Variants in BCL7A observed in about 807,000 individuals in gnomAD.
BCL7A encodes B-cell CLL/lymphoma 7 protein family member A.
BCL7A carries 11 observed loss-of-function variants against 28.4 expected under a neutral mutation model. That is an observed-to-expected ratio of 0.39 (90% CI 0.24 to 0.64). The LOEUF is 0.64. Among genes scored for constraint, BCL7A ranks in the 30% least tolerant of loss-of-function variants. BCL7A has a pLI of 0.50. For missense variants in BCL7A, 222 were observed against 274.8 expected, an observed-to-expected ratio of 0.81 and a Z score of 1.36; for synonymous variants, 123 against 103.3, an observed-to-expected ratio of 1.19 and a Z score of -1.15.
chr12:122,024,252 T>A (rs541526857), intron 1 of BCL7A, among the ~76,000 whole-genome samples: 1 of 152,308 alleles, frequency 6.6e-6, no homozygotes, highest in South Asian at 2.1e-4. Flanking sequence ...CCAGTTCACT[T>A]CGTTGCCGCG....
intron 1 of BCL7A, among the ~76,000 whole-genome samples, chr12:122,024,896 T>G: frequency 6.6e-6 from 1 of 151,992 alleles, no homozygotes; most frequent in East Asian, 1.9e-4. Context: ...GAGCCTTGGG[T>G]GGGTTTCTCC....
In BCL7A at chr12:122,022,055, G is replaced by C. The variant is rs1468960779; in HGVS notation, c.-37G>C. 8 of 1,524,100 alleles carry C rather than the reference G, an allele frequency of 5.2e-6. No homozygotes were observed. The Admixed American group carries it at 1.6e-4, about 30-fold the overall frequency. 94.4% of individuals were successfully genotyped at this position (1,524,100 alleles called of 1,614,324 possible). ...CCGCGGAGCGCGAGCAGGACCCGGCGGGCGCGCTCCCCAGCCTCCGTCTCC... is the reference window on the plus strand; with the variant it reads ...CCGCGGAGCGCGAGCAGGACCCGGCCGGCGCGCTCCCCAGCCTCCGTCTCC... On this transcript the variant is annotated 5_prime_UTR_variant, in exon 1 of 6. Coordinates refer to ENST00000261822, the MANE Select transcript of BCL7A (RefSeq NM_001024808.3).
At chr12:122,036,173 C>T (rs145887770) in intron 3 of BCL7A, among the ~76,000 whole-genome samples, 1 of 152,280 alleles carries the variant, frequency 6.6e-6, no homozygotes. Context: ...ATGTTAATCC[C>T]ACCAGGACCT....
At chr12:122,042,156 C>G (rs1883976184) in intron 3 of BCL7A, among the ~76,000 whole-genome samples, 1 of 152,130 alleles carries the variant, frequency 6.6e-6, no homozygotes. Context: ...TGCCCCCAGC[C>G]CAACTGTAAA....
At chr12:122,024,047 G>C (rs1028168714) in intron 1 of BCL7A, among the ~76,000 whole-genome samples, 1 of 152,158 alleles carries the variant, frequency 6.6e-6, no homozygotes, top group Non-Finnish European at 1.5e-5. Context: ...AGGGAGGGCA[G>C]ATGGAGAGAT....
intron 4 of BCL7A, among the ~76,000 whole-genome samples, chr12:122,045,662 C>T (rs1183286048): frequency 6.6e-6 from 1 of 152,034 alleles, no homozygotes; most frequent in Non-Finnish European, 1.5e-5. Flanking sequence ...CCTATATATC[C>T]ACCTGCTGAA....
intron 5 of BCL7A, among the ~76,000 whole-genome samples, chr12:122,057,005 C>T (rs570412396): frequency 1.1e-4 from 17 of 152,244 alleles, no homozygotes; most frequent in South Asian, 2.1e-4. Flanking sequence ...TACCTAATCC[C>T]TGCCTGCCAC....
At chr12:122,023,746 G>A (rs183711661) in intron 1 of BCL7A, among the ~76,000 whole-genome samples, 3 of 152,294 alleles carry the variant, frequency 2.0e-5, no homozygotes, top group Admixed American at 6.5e-5. Context: ...GGCAGAAACA[G>A]CTGCAGGCCA....
intron 4 of BCL7A, among the ~76,000 whole-genome samples, chr12:122,048,427 A>T (rs1244126503): frequency 6.6e-6 from 1 of 151,922 alleles, no homozygotes. Flanking sequence ...TGCTTCTTGG[A>T]GGAGTTGCTG....
At chr12:122,025,539 A>G (rs1593021357) in intron 1 of BCL7A, among the ~76,000 whole-genome samples, 1 of 151,946 alleles carries the variant, frequency 6.6e-6, no homozygotes, top group Non-Finnish European at 1.5e-5. Flanking sequence ...AGGCAGGAGA[A>G]TGGCGGGAAC....
chr12:122,025,312 T>C (rs1883596857), intron 1 of BCL7A, among the ~76,000 whole-genome samples: 1 of 148,078 alleles, frequency 6.8e-6, no homozygotes, highest in Non-Finnish European at 1.5e-5. Flanking sequence ...AGCCTGGGTC[T>C]CAAACCAAAA....
chr12:122,023,444 C>T (rs1399473234), intron 1 of BCL7A, among the ~76,000 whole-genome samples: 1 of 152,090 alleles, frequency 6.6e-6, no homozygotes. Context: ...CCACTGGGGG[C>T]GAGCCTCCGG....
chr12:122,038,431 C>CA (rs56376395), intron 3 of BCL7A, among the ~76,000 whole-genome samples: 829 of 33,450 alleles, frequency 0.025, 119 homozygotes, highest in Middle Eastern at 0.059. Context: ...GACTCTGCCT[C>CA]AAAAAAAAAA....
chr12:122,048,150 G>A (rs1024121190), intron 4 of BCL7A, among the ~76,000 whole-genome samples: 6 of 151,736 alleles, frequency 4.0e-5, no homozygotes, highest in South Asian at 2.1e-4. Context: ...TGATCCGCCC[G>A]CCTCGGCCTC....
Position 122,022,122 on chromosome 12 carries a change from A to G in BCL7A, c.31A>G (p.Arg11Gly). 6.3e-7 allele frequency: 1 copy of G among 1,586,012 alleles called. No homozygotes were observed. The highest frequency in any genetic ancestry group is 1.4e-5 in the African/African-American group (1 of 72,576). MSGRSVRAET[R>G]SRAKDDIKRV... is the part of the protein sequence containing the mutation. The stretch of plus-strand genomic sequence containing the variant: ...GGGCAGGTCGGTTCGAGCCGAGACG[A>G]GGAGCCGGGCCAAAGATGATATCAA... The change falls in exon 1 of 6, where the codon AGG (arginine) becomes GGG (glycine). Residue 11 changes from arginine (R) to glycine (G), a missense_variant. Transcript: ENST00000261822.
intron 1 of BCL7A, among the ~76,000 whole-genome samples, chr12:122,025,305 C>G (rs1006951798): frequency 8.7e-5 from 13 of 149,780 alleles, no homozygotes; most frequent in Admixed American, 6.7e-4. Context: ...TGAGACCAGC[C>G]TGGGTCTCAA....
chr12:122,053,771 A>G (rs964102829), intron 4 of BCL7A, among the ~76,000 whole-genome samples: 3 of 150,648 alleles, frequency 2.0e-5, no homozygotes, highest in Non-Finnish European at 4.4e-5. Context: ...ATGAGAAATC[A>G]CCCGAATAAC....
At chr12:122,040,934 C>A (rs965309996) in intron 3 of BCL7A, among the ~76,000 whole-genome samples, 3 of 152,180 alleles carry the variant, frequency 2.0e-5, no homozygotes, top group Non-Finnish European at 2.9e-5. Flanking sequence ...GCCTCAGGAA[C>A]CTACGGGGCC....
chr12:122,057,974 G>C (rs537996326), intron 5 of BCL7A, among the ~76,000 whole-genome samples: 2 of 152,040 alleles, frequency 1.3e-5, no homozygotes, highest in African/African-American at 4.8e-5. Flanking sequence ...AGGATCCCTT[G>C]AGCCCGGGAG....
Sources: allele counts gnomAD v4.1 joint callset (sites outside exome capture counted in the v4.1 genomes callset), GRCh38; gene constraint gnomAD v4.1.1; transcripts MANE v1.5; gene names NCBI Gene and HGNC (gene_info 2026-07-23, HGNC 2026-07-21).